The following IQGAP1 variants were observed in gnomAD, a reference collection of about 807,000 sequenced individuals.
IQGAP1 encodes the protein ras GTPase-activating-like protein IQGAP1.
A neutral mutation model predicts 215.6 loss-of-function variants in IQGAP1; 66 were observed. That is an observed-to-expected ratio of 0.31 (90% CI 0.25 to 0.38). The LOEUF (loss-of-function observed/expected upper bound fraction) is 0.38. IQGAP1 is among the 10% of genes least tolerant of loss of function. IQGAP1 has a pLI of 1.00. For missense variants in IQGAP1, 1,712 were observed against 1,997.1 expected (o/e 0.86, Z 2.72); for synonymous variants, 772 against 728.7 (o/e 1.06, Z -0.96).
chr15:90,416,340 T>A (rs1284954461), intron 2 of IQGAP1, among the ~76,000 whole-genome samples: 1 of 152,214 alleles, frequency 6.6e-6, no homozygotes, highest in Admixed American at 6.5e-5. Context: ...GTCTTTGCTA[T>A]TGTGAATGGT....
At position 90,388,294 on chromosome 15, in the gene IQGAP1, C is replaced by T. The variant is rs765901170; in HGVS notation, c.-48C>T. The T allele has an allele frequency of 2.5e-6, 4 of 1,593,742 alleles. No individual in the cohort carries two copies. In the South Asian group the frequency reaches 3.3e-5, roughly 13 times the overall value. On this transcript the variant is annotated 5_prime_UTR_variant, in exon 1 of 38. Transcript: ENST00000268182. ...GGAGCTGTAGCTACCGCCGTCCGCG[C>T]CTCCAAGGTTTCACGGCTTCCTCAG...
At chr15:90,411,509 G>A (rs1964965705) in intron 2 of IQGAP1, among the ~76,000 whole-genome samples, 6 of 152,058 alleles carry the variant, frequency 3.9e-5, no homozygotes, top group Admixed American at 3.9e-4. Flanking sequence ...CTAAATAATA[G>A]GTGTGAAAAT....
chr15:90,474,031 G>T, intron 21 of IQGAP1, 33 bp from the exon 22 acceptor site: 1 of 1,589,464 alleles, frequency 6.3e-7, no homozygotes, highest in South Asian at 1.1e-5. Flanking sequence ...GTAGACAGAT[G>T]AACAGAGAAA....
At chr15:90,437,213 C>T (rs533951112) in intron 5 of IQGAP1, among the ~76,000 whole-genome samples, 23 of 152,262 alleles carry the variant, frequency 1.5e-4, no homozygotes, top group African/African-American at 4.3e-4. Context: ...CCAAATCTAG[C>T]GATAACTCAC....
intron 9 of IQGAP1, among the ~76,000 whole-genome samples, chr15:90,447,733 T>A (rs1386765736): frequency 1.3e-5 from 2 of 152,226 alleles, no homozygotes; most frequent in Non-Finnish European, 2.9e-5. Context: ...TTGTTTTTTT[T>A]ACAATATATA....
intron 34 of IQGAP1, 46 bp from the exon 35 acceptor site, chr15:90,492,499 A>C (rs1287027704): frequency 6.8e-7 from 1 of 1,475,096 alleles, no homozygotes; most frequent in Middle Eastern, 1.8e-4. Context: ...GTGAAATGAT[A>C]ATGATAACTG....
Position 90,390,854 on chromosome 15 carries a change from C to A in IQGAP1, c.136C>A (p.His46Asn). The A allele has an allele frequency of 1.2e-6, 2 of 1,607,994 alleles. No individual in the cohort carries two copies. Among genetic ancestry groups the A allele is most frequent in the South Asian group, 1.1e-5 (1 of 90,886 alleles). ...RQNVAYEYLC[H>N]LEEAKRWMEA... The stretch of plus-strand genomic sequence containing the variant: ...GAACGTGGCTTATGAGTACCTTTGT[C>A]ATTTGGAAGAAGCGAAGAGGTAAAG... Residue 46 changes from histidine (H) to asparagine (N), a missense_variant, in exon 2 of 38, where the codon CAT becomes AAT. By Grantham distance (68) the His-to-Asn change is moderately conservative (BLOSUM62 1). Around this residue, in one of 2 missense-constraint regions of IQGAP1, gnomAD observed 1,021 missense variants for 1,074.2 expected, o/e 0.95. Transcript: ENST00000268182.
intron 11 of IQGAP1, 140 bp from the exon 12 acceptor site, chr15:90,452,635 T>C (rs1433359632): frequency 3.3e-6 from 3 of 901,004 alleles, no homozygotes; most frequent in South Asian, 1.7e-5. Flanking sequence ...AGGAGGCTGC[T>C]TTTTTAAAGA....
At chr15:90,430,086 G>A (rs550354585) in intron 4 of IQGAP1, among the ~76,000 whole-genome samples, 1 of 152,294 alleles carries the variant, frequency 6.6e-6, no homozygotes, top group Admixed American at 6.5e-5. Context: ...AGTATGAAGG[G>A]TCATTTTTTA....
chr15:90,456,228 T>C lies in IQGAP1; in HGVS notation c.1689T>C (p.Ile563=). The part of the protein sequence containing the change: ...DAQKTLQALQ[I]PAAKLEGVLA... ...AAAAGACTCTGCAGGCCCTACAGAT[T>C]CCTGCAGCTAAACTTGAGGGAGTCC... The change falls in exon 15 of 38, where the codon ATT becomes ATC. Residue 563 remains isoleucine, a synonymous_variant. Transcript: ENST00000268182. 6.2e-7 allele frequency: 1 copy of C among 1,614,022 alleles called. No individual in the cohort carries two copies. Among genetic ancestry groups the C allele is most frequent in the Non-Finnish European group, 8.5e-7 (1 of 1,179,916 alleles).
At chr15:90,493,149 A>G (rs945093982) in intron 35 of IQGAP1, among the ~76,000 whole-genome samples, 3 of 152,090 alleles carry the variant, frequency 2.0e-5, no homozygotes, top group African/African-American at 7.2e-5. Context: ...AGGCTGAGGC[A>G]GGAGAATTAC....
intron 26 of IQGAP1, among the ~76,000 whole-genome samples, chr15:90,478,362 A>T (rs1207213895): frequency 6.6e-6 from 1 of 152,184 alleles, no homozygotes; most frequent in African/African-American, 2.4e-5. Context: ...TTATTTAGCA[A>T]ATATTTATTG....
intron 2 of IQGAP1, among the ~76,000 whole-genome samples, chr15:90,399,610 T>C (rs1179782751): frequency 6.6e-6 from 1 of 152,210 alleles, no homozygotes; most frequent in African/African-American, 2.4e-5. Flanking sequence ...CAACTCGAAG[T>C]CTAGATAGTT....
intron 10 of IQGAP1, among the ~76,000 whole-genome samples, chr15:90,449,182 A>C (rs1355474039): frequency 6.7e-6 from 1 of 149,964 alleles, no homozygotes; most frequent in Non-Finnish European, 1.5e-5. Flanking sequence ...TTTTTTTTTT[A>C]GAACAAACAT....
chr15:90,487,170 A>G, intron 32 of IQGAP1, 81 bp downstream of exon 32: 1 of 1,335,400 alleles, frequency 7.5e-7, no homozygotes, highest in Non-Finnish European at 1.1e-6. Flanking sequence ...GCTGGGTCCT[A>G]CCTGAAATGA....
chr15:90,421,371 G>T (rs1204440429), intron 2 of IQGAP1, among the ~76,000 whole-genome samples: 1 of 151,658 alleles, frequency 6.6e-6, no homozygotes, highest in African/African-American at 2.4e-5. Flanking sequence ...AGCCACTTGG[G>T]AGGCTGAGGC....
chr15:90,478,033 C>A (rs1966004935), intron 26 of IQGAP1, 144 bp downstream of exon 26: 1 of 649,158 alleles, frequency 1.5e-6, no homozygotes, highest in Non-Finnish European at 2.6e-6. Context: ...CTCTTGTCGT[C>A]CAGGCTGGAG....
intron 25 of IQGAP1, among the ~76,000 whole-genome samples, 172 bp downstream of exon 25, chr15:90,477,402 G>A (rs115197247): frequency 7.1e-4 from 108 of 152,008 alleles, no homozygotes; most frequent in African/African-American, 2.1e-3. Flanking sequence ...GCTGCTTCTA[G>A]GGAAGGGATA....
In IQGAP1 at chr15:90,443,412, GAA is replaced by G. The variant is rs1965480357; in HGVS notation, c.849_850del (p.Asp285CysfsTer3). 2 of 1,612,892 alleles carry G rather than the reference GAA, an allele frequency of 1.2e-6. No individual in the cohort carries two copies. The highest frequency in any genetic ancestry group is 1.7e-6 in the Non-Finnish European group (2 of 1,179,080). ...AKNRTENSER[E>X]RDVYEELLTQ... ...TCCTCAGACAGAAAACTCAGAGAGA[GAA>G]AGAGATGTTTATGAGGAGCTGCTCA... On this transcript the variant is annotated frameshift_variant, in exon 9 of 38. Coordinates refer to ENST00000268182, the MANE Select transcript of IQGAP1 (RefSeq NM_003870.4). LOFTEE classifies it high-confidence loss of function.
Sources: gnomAD v4.1 joint callset for allele counts (sites outside exome capture counted in the v4.1 genomes callset) on GRCh38, gnomAD v4.1.1 for gene constraint, gnomAD v4.1.1 regional missense constraint, MANE v1.5 for transcripts, NCBI Gene and HGNC (gene_info 2026-07-23, HGNC 2026-07-21) for gene names.